NEK6: variants seen among roughly 807,000 people sequenced by gnomAD.
NEK6 encodes NIMA related kinase 6, also known as serine/threonine-protein kinase Nek6.
A neutral mutation model predicts 43.5 loss-of-function variants in NEK6; 27 were observed. That is an observed-to-expected ratio of 0.62 (90% CI 0.46 to 0.86). The LOEUF (loss-of-function observed/expected upper bound fraction) is 0.86. Among genes scored for constraint, NEK6 ranks in the 40% least tolerant of loss-of-function variants. NEK6 has a pLI of 0.00. For synonymous variants in NEK6, 167 were observed against 164.1 expected (o/e 1.02, Z -0.14); for missense variants, 318 against 414.4 (o/e 0.77, Z 2.02).
intron 7 of NEK6, among the ~76,000 whole-genome samples, chr9:124,328,290 C>G (rs920256289): frequency 1.4e-4 from 21 of 152,284 alleles, no homozygotes; most frequent in African/African-American, 4.1e-4. Context: ...CAGTGGAACA[C>G]AGGAGCAGGG....
chr9:124,293,760 G>A (rs900233230), intron 1 of NEK6, among the ~76,000 whole-genome samples: 1 of 152,180 alleles, frequency 6.6e-6, no homozygotes, highest in Non-Finnish European at 1.5e-5. Context: ...TCTTTTCACC[G>A]GGCCTGGGTG....
chr9:124,261,526 G>A, intron 1 of NEK6: 6 of 985,462 alleles, frequency 6.1e-6, no homozygotes, highest in Non-Finnish European at 7.2e-6. Flanking sequence ...GCCCCCTGAT[G>A]TCACCTTCAC....
chr9:124,345,999 A>G (rs2131087356), intron 8 of NEK6, among the ~76,000 whole-genome samples: 1 of 152,054 alleles, frequency 6.6e-6, no homozygotes, highest in East Asian at 1.9e-4. Context: ...GCCTGGCCAG[A>G]CCCTCCCTGC....
At chr9:124,293,339 G>A (rs1196863038) in intron 1 of NEK6, among the ~76,000 whole-genome samples, 1 of 152,218 alleles carries the variant, frequency 6.6e-6, no homozygotes, top group Non-Finnish European at 1.5e-5. Flanking sequence ...CGACACAGAG[G>A]AAGCACTCAG....
At chr9:124,285,352 A>T (rs1045780496) in intron 1 of NEK6, among the ~76,000 whole-genome samples, 2 of 152,058 alleles carry the variant, frequency 1.3e-5, no homozygotes, top group Admixed American at 1.3e-4. Flanking sequence ...CTTTTCTTGG[A>T]TGCCTGAATG....
At chr9:124,305,338 T>C (rs1255424802) in intron 2 of NEK6, among the ~76,000 whole-genome samples, 1 of 152,186 alleles carries the variant, frequency 6.6e-6, no homozygotes, top group African/African-American at 2.4e-5. Flanking sequence ...ATGGATCACC[T>C]GAGTCTGGAG....
Position 124,279,394 on chromosome 9 carries a change from C to T in NEK6, c.-30+21309C>T, listed in dbSNP as rs531488597. On this transcript the variant is annotated intron_variant, in intron 1 of 9. Transcript: ENST00000320246. ...TCGGCTCACTGCAACCTCTGCTCCC[C>T]GGGTTCAAGCGATTCTCCTGCCTCA... Among the ~76,000 whole-genome samples the T allele has an allele frequency of 2.0e-3, 308 of 151,850 alleles. 1 individual carries two copies. Among genetic ancestry groups the T allele is most frequent in the African/African-American group, 6.7e-3 (276 of 41,376 alleles).
At chr9:124,349,486 C>T (rs1054538005) in intron 9 of NEK6, among the ~76,000 whole-genome samples, 2 of 152,204 alleles carry the variant, frequency 1.3e-5, no homozygotes, top group Admixed American at 6.5e-5. Flanking sequence ...CCCCACTCCC[C>T]GGAGCACTGG....
intron 4 of NEK6, among the ~76,000 whole-genome samples, chr9:124,319,935 G>A (rs1833985085): frequency 6.6e-6 from 1 of 152,174 alleles, no homozygotes. Context: ...CTGAAGTCTA[G>A]TCACCCTGTG....
At chr9:124,342,256 A>C (rs7872796) in intron 8 of NEK6, among the ~76,000 whole-genome samples, 149,243 of 152,350 alleles carry the variant, frequency 0.98, 73,151 homozygotes, top group East Asian at 1. Flanking sequence ...TCCTGAGGGG[A>C]AGAGACAGGC....
intron 1 of NEK6, among the ~76,000 whole-genome samples, chr9:124,279,806 G>C (rs1429559340): frequency 6.6e-6 from 1 of 152,218 alleles, no homozygotes; most frequent in Non-Finnish European, 1.5e-5. Flanking sequence ...ACGTATCGCT[G>C]TCTGAAATGA....
chr9:124,307,941 G>GC (rs1833340149), intron 2 of NEK6, among the ~76,000 whole-genome samples: 1 of 152,190 alleles, frequency 6.6e-6, no homozygotes, highest in East Asian at 1.9e-4. Flanking sequence ...GGCCGTCCCA[G>GC]TCCCCGGGGA....
At position 124,350,999 on chromosome 9, in the gene NEK6, G is replaced by GGAAGTATT; in HGVS notation, c.*52_*53insGAAGTATT. 1 of 1,356,756 alleles carries GGAAGTATT rather than the reference G, an allele frequency of 7.4e-7. No homozygotes were observed. The highest frequency in any genetic ancestry group is 1.0e-6 in the Non-Finnish European group (1 of 962,042). 84.0% of individuals were successfully genotyped at this position (1,356,756 alleles called of 1,614,324 possible). A position where few individuals can be genotyped will look rare whatever the true frequency, so the allele number is the denominator to read the frequency against. Reference sequence around the variant, plus strand: ...GCCAGCACCACTTTGCCTTACTTGAGTCGTCTTCTCTTCGAGTGGCCACCT... The same window carrying GGAAGTATT: ...GCCAGCACCACTTTGCCTTACTTGAGGAAGTATTTCGTCTTCTCTTCGAGTGGCCACCT... On this transcript the variant is annotated 3_prime_UTR_variant, in exon 10 of 10. Transcript: ENST00000320246.
rs909404292 is a variant in NEK6 at position 124,311,749 on chromosome 9, G to A, written c.91-760G>A. Among the ~76,000 whole-genome samples, 4 of 152,226 alleles carry A rather than the reference G, an allele frequency of 2.6e-5. No homozygotes were observed. In the East Asian group the frequency reaches 5.8e-4, roughly 22 times the overall value. ...CCATCACCCAGGCTGGAGTGCAGTGGCATGATCTCTGCTCACTGCAACCTC... is the reference window on the plus strand; with the variant it reads ...CCATCACCCAGGCTGGAGTGCAGTGACATGATCTCTGCTCACTGCAACCTC... On this transcript the variant is annotated intron_variant, in intron 2 of 9. Coordinates refer to ENST00000320246, the MANE Select transcript of NEK6 (RefSeq NM_014397.6).
chr9:124,327,304 AC>A, intron 6 of NEK6, 33 bp from the exon 7 acceptor site: 1 of 1,583,656 alleles, frequency 6.3e-7, no homozygotes, highest in Non-Finnish European at 8.7e-7. Context: ...CAAGCCTCCT[AC>A]CCCACACCAA....
chr9:124,305,301 TCCCA>T (rs1833193182), intron 2 of NEK6, among the ~76,000 whole-genome samples: 1 of 152,194 alleles, frequency 6.6e-6, no homozygotes, highest in African/African-American at 2.4e-5. Context: ...ACACCTGTAA[TCCCA>T]GCACTTCGGG....
chr9:124,308,603 C>T lies in NEK6; in HGVS notation c.91-3906C>T, dbSNP rs538265354. Among the ~76,000 whole-genome samples the T allele has an allele frequency of 7.3e-5, 11 of 151,722 alleles. No homozygotes were observed. In the South Asian group the frequency reaches 2.3e-3, roughly 32 times the overall value. ...CCCGGGAGGCGGAGATTGCAATGAG[C>T]CGAGATCGCGCCACAGCGCTCCAGC... On this transcript the variant is annotated intron_variant, in intron 2 of 9. Transcript: ENST00000320246.
At position 124,347,778 on chromosome 9, in the gene NEK6, C is replaced by G. The variant is rs753614385; in HGVS notation, c.787C>G (p.Gln263Glu). The G allele has an allele frequency of 2.2e-5, 35 of 1,613,154 alleles. 1 individual carries two copies. Among genetic ancestry groups the G allele is most frequent in the Non-Finnish European group, 3.0e-5 (35 of 1,179,488 alleles). Reference sequence around the variant, plus strand: ...CTTCTCCCTGTGCCAGAAGATCGAGCAGTGTGACTACCCCCCACTCCCCGG... The same window carrying G: ...CTTCTCCCTGTGCCAGAAGATCGAGGAGTGTGACTACCCCCCACTCCCCGG... ...NLFSLCQKIE[Q>E]CDYPPLPGEH... Residue 263 changes from glutamine (Q) to glutamate (E), a missense_variant, in exon 9 of 10, where the codon CAG becomes GAG. Coordinates refer to ENST00000320246, the MANE Select transcript of NEK6 (RefSeq NM_014397.6).
Position 124,291,758 on chromosome 9 carries a change from A to G in NEK6, c.-29-10178A>G, listed in dbSNP as rs116942652. ...GACCCTTGTCCCTCCCTGAGCCTAC[A>G]CTGGTCTAATCGGGTGGTGCTGCCA... On this transcript the variant is annotated intron_variant, in intron 1 of 9. Transcript: ENST00000320246. The G allele has an allele frequency of 5.2e-4, 487 of 941,236 alleles. 7 individuals are homozygous for G. In the East Asian group the frequency reaches 0.047, roughly 91 times the overall value. The allele number at this position is 941,236 out of a possible 1,614,324, so 58.3% of individuals were successfully genotyped here. A position where few individuals can be genotyped will look rare whatever the true frequency, so the allele number is the denominator to read the frequency against.
Sources: allele counts gnomAD v4.1 joint callset (sites outside exome capture counted in the v4.1 genomes callset), GRCh38; gene constraint gnomAD v4.1.1; transcripts MANE v1.5; gene names NCBI Gene and HGNC (gene_info 2026-07-23, HGNC 2026-07-21).